The following CDIPT variants were observed in gnomAD, a reference collection of about 807,000 sequenced individuals.
CDIPT encodes CDP-diacylglycerol--inositol 3-phosphatidyltransferase, also known as PI synthase.
A neutral mutation model predicts 21.6 loss-of-function variants in CDIPT; 17 were observed. The ratio of observed to expected loss-of-function variants is 0.79; its 90% CI spans 0.54 to 1.18. The LOEUF (loss-of-function observed/expected upper bound fraction) is 1.18. Ranked by LOEUF, CDIPT falls within the 50% of genes most tolerant of loss-of-function variation. The pLI is 0.00. For synonymous variants in CDIPT, 119 were observed against 117.9 expected (o/e 1.01, Z -0.06); for missense variants, 254 against 284.9 (o/e 0.89, Z 0.78).
chr16:29,861,542 G>C (rs1304912896), intron 2 of CDIPT: 1 of 1,520,038 alleles, frequency 6.6e-7, no homozygotes, highest in African/African-American at 1.4e-5. Context: ...GGGCTAGATA[G>C]AGACTTGATG....
Position 29,859,444 on chromosome 16 carries a change from A to T in CDIPT, c.494T>A (p.Leu165Ter). 1 of 1,611,620 alleles carries T rather than the reference A, an allele frequency of 6.2e-7. No individual in the cohort carries two copies. The highest frequency in any genetic ancestry group is 8.5e-7 in the Non-Finnish European group (1 of 1,178,156). ...LYLFHFSEGP[L>*]VGSVGLFRMG... Reference sequence around the variant, plus strand: ...CTGCCCAGCCCCTCATCTCCTACCTAAAGGTCCCTCAGAGAAATGGAACAG... The same window carrying T: ...CTGCCCAGCCCCTCATCTCCTACCTTAAGGTCCCTCAGAGAAATGGAACAG... The change falls in exon 5 of 6, where the codon TTA (leucine) becomes TAA (stop). Residue 165 changes from leucine to a stop codon, truncating the protein, a stop_gained and splice_region_variant. Coordinates refer to ENST00000219789, the MANE Select transcript of CDIPT (RefSeq NM_006319.5). LOFTEE classifies it high-confidence loss of function. The surrounding 1 kb of genome is among the most constrained non-coding windows in gnomAD (Gnocchi z 4.5).
chr16:29,862,942 C>A lies in CDIPT; in HGVS notation c.-85G>T. On this transcript the variant is annotated 5_prime_UTR_variant, in exon 1 of 6. Coordinates refer to ENST00000219789, the MANE Select transcript of CDIPT (RefSeq NM_006319.5). The surrounding 1 kb of genome is among the most constrained non-coding windows in gnomAD (Gnocchi z 6.7). ...CGCAGCGCGGCCTCAGCCTCCGGCC[C>A]GGCGCATCGGCCGCACCACCTGCGC... is the stretch of plus-strand genomic sequence containing the variant. 1 of 1,502,588 alleles carries A rather than the reference C, an allele frequency of 6.7e-7. No homozygotes were observed. Among genetic ancestry groups the A allele is most frequent in the East Asian group, 2.3e-5 (1 of 44,100 alleles). 93.1% of individuals were successfully genotyped at this position (1,502,588 alleles called of 1,614,324 possible). A position where few individuals can be genotyped will look rare whatever the true frequency, so the allele number is the denominator to read the frequency against.
Position 29,859,289 on chromosome 16 carries a change from G to C in CDIPT, c.542C>G (p.Pro181Arg). ...LFRMGLWVTAPIALLKSLISV... is the reference protein window; with the variant it reads ...LFRMGLWVTARIALLKSLISV... The stretch of plus-strand genomic sequence containing the variant: ...GATGAGCGACTTCAGCAAGGCGATG[G>C]GGGCAGTGACCCAGAGGCCCATCCG... The change falls in exon 6 of 6, where the codon CCC (proline) becomes CGC (arginine). Residue 181 changes from proline to arginine, a missense_variant. Physicochemically the swap from Pro to Arg is moderately radical, Grantham distance 103. Coordinates refer to ENST00000219789, the MANE Select transcript of CDIPT (RefSeq NM_006319.5). The surrounding 1 kb of genome is among the most constrained non-coding windows in gnomAD (Gnocchi z 4.5). 6.3e-7 allele frequency: 1 copy of C among 1,575,832 alleles called. No homozygotes were observed.
In CDIPT at chr16:29,859,133, T is replaced by C. The variant is rs1444850026; in HGVS notation, c.*56A>G. 6 of 1,553,068 alleles carry C rather than the reference T, an allele frequency of 3.9e-6. No individual in the cohort carries two copies. The East Asian group carries it at 1.4e-4, about 36-fold the overall frequency. On this transcript the variant is annotated 3_prime_UTR_variant, in exon 6 of 6. Coordinates refer to ENST00000219789, the MANE Select transcript of CDIPT (RefSeq NM_006319.5). This position sits in a 1 kb window ranked among gnomAD's most constrained non-coding sequence, Gnocchi z 4.5. ...CCTCCTAGCAGGGGGTGGGGAGCTG[T>C]GTGGCACAGCAAGACTCCCAGGGCA...
At position 29,859,874 on chromosome 16, in the gene CDIPT, A is replaced by C. The variant is rs1269488069; in HGVS notation, c.415-351T>G. Among the ~76,000 whole-genome samples, 1 of 152,044 alleles carries C rather than the reference A, an allele frequency of 6.6e-6. No individual in the cohort carries two copies. Among genetic ancestry groups the C allele is most frequent in the African/African-American group, 2.4e-5 (1 of 41,396 alleles). On this transcript the variant is annotated intron_variant, in intron 4 of 5. Coordinates refer to ENST00000219789, the MANE Select transcript of CDIPT (RefSeq NM_006319.5). This position sits in a 1 kb window ranked among gnomAD's most constrained non-coding sequence, Gnocchi z 4.5. ...ACAAAAATTAGCCGAGTGTGGTGGC[A>C]CGTGCCGGTAGTCCCAGCCACTCAG... is the stretch of plus-strand genomic sequence containing the variant.
In CDIPT at chr16:29,863,160, C is replaced by T; in HGVS notation, c.-303G>A. On this transcript the variant is annotated 5_prime_UTR_variant, in exon 1 of 6. Coordinates refer to ENST00000219789, the MANE Select transcript of CDIPT (RefSeq NM_006319.5). ...TGCGGTCGCCGCTGCTCCAGCTGCG[C>T]GTGGCTTCCGGGAACCTCCTCCTCC... The T allele has an allele frequency of 2.3e-6, 1 of 430,150 alleles. No individual in the cohort carries two copies. Among genetic ancestry groups the T allele is most frequent in the Non-Finnish European group, 4.2e-6 (1 of 240,322 alleles). The allele number at this position is 430,150 out of a possible 1,614,324, so 26.6% of individuals were successfully genotyped here.
chr16:29,860,880 T>C (rs775880154), intron 3 of CDIPT: 1 of 617,612 alleles, frequency 1.6e-6, no homozygotes, highest in Non-Finnish European at 2.9e-6. Context: ...CTATATGGAA[T>C]CCTAGAATAC....
At position 29,859,026 on chromosome 16, in the gene CDIPT, C is replaced by T. The variant is rs2067656420; in HGVS notation, c.*163G>A. 1 of 766,936 alleles carries T rather than the reference C, an allele frequency of 1.3e-6. No homozygotes were observed. Among genetic ancestry groups the T allele is most frequent in the Middle Eastern group, 3.8e-4 (1 of 2,634 alleles). The allele number at this position is 766,936 out of a possible 1,614,324, so 47.5% of individuals were successfully genotyped here. ...TTTGAGGCCCGGGTCCTCAGGATCC[C>T]AGAGAACGTGACGTCACCAAAGAGA... On this transcript the variant is annotated 3_prime_UTR_variant, in exon 6 of 6. Coordinates refer to ENST00000219789, the MANE Select transcript of CDIPT (RefSeq NM_006319.5). This position sits in a 1 kb window ranked among gnomAD's most constrained non-coding sequence, Gnocchi z 4.5.
chr16:29,862,737 G>C lies in CDIPT; in HGVS notation c.44-17C>G. Reference sequence around the variant, plus strand: ...GGGCATAACCTTGGAACGGGACGCGGGGAGACAGGGCAGGATCAGGGAGCC... The same window carrying C: ...GGGCATAACCTTGGAACGGGACGCGCGGAGACAGGGCAGGATCAGGGAGCC... On this transcript the variant is annotated splice_polypyrimidine_tract_variant and intron_variant, in intron 1 of 5. Transcript: ENST00000219789. This position sits in a 1 kb window ranked among gnomAD's most constrained non-coding sequence, Gnocchi z 6.7. 6.2e-7 allele frequency: 1 copy of C among 1,613,620 alleles called. No homozygotes were observed. Among genetic ancestry groups the C allele is most frequent in the East Asian group, 2.2e-5 (1 of 44,890 alleles).
At position 29,863,026 on chromosome 16, in the gene CDIPT, A is replaced by T; in HGVS notation, c.-169T>A. 1.3e-6 allele frequency: 1 copy of T among 794,412 alleles called. No homozygotes were observed. Among genetic ancestry groups the T allele is most frequent in the Non-Finnish European group, 2.1e-6 (1 of 470,826 alleles). 49.2% of individuals were successfully genotyped at this position (794,412 alleles called of 1,614,324 possible). On this transcript the variant is annotated 5_prime_UTR_variant, in exon 1 of 6. An upstream start codon of the reference 5' UTR is lost. Coordinates refer to ENST00000219789, the MANE Select transcript of CDIPT (RefSeq NM_006319.5). ...GCTGAAGCCCGCAGCCGTCGGGAGC[A>T]TGGACCGGCCCCGAGGTGCGCGGGA...
chr16:29,862,977 C>T lies in CDIPT; in HGVS notation c.-120G>A. The T allele has an allele frequency of 8.5e-7, 1 of 1,170,816 alleles. No homozygotes were observed. Among genetic ancestry groups the T allele is most frequent in the Admixed American group, 1.8e-5 (1 of 55,052 alleles). 72.5% of individuals were successfully genotyped at this position (1,170,816 alleles called of 1,614,324 possible). ...GCCGCACCACCTGCGCCCTGGACCC[C>T]GCCGCCCCAACCTGGCCCCAGATGC... On this transcript the variant is annotated 5_prime_UTR_variant, in exon 1 of 6. Coordinates refer to ENST00000219789, the MANE Select transcript of CDIPT (RefSeq NM_006319.5). The surrounding 1 kb of genome is among the most constrained non-coding windows in gnomAD (Gnocchi z 6.7).
At position 29,861,170 on chromosome 16, in the gene CDIPT, C is replaced by T; in HGVS notation, c.268G>A (p.Ala90Thr). The T allele has an allele frequency of 6.2e-7, 1 of 1,614,196 alleles. No homozygotes were observed. The highest frequency in any genetic ancestry group is 8.5e-7 in the Non-Finnish European group (1 of 1,180,042). Residue 90 changes from alanine to threonine, a missense_variant, in exon 3 of 6, where the codon GCC (alanine) becomes ACC (threonine). Coordinates refer to ENST00000219789, the MANE Select transcript of CDIPT (RefSeq NM_006319.5). Reference protein sequence around the residue: ...LVNLALLYPGATLFFQISMSL... With the variant: ...LVNLALLYPGTTLFFQISMSL... ...ATGCTGATTTGGAAGAACAGCGTGG[C>T]TCCAGGGTACAGCAGGGCCAGGTTG...
rs1393319601 is a variant in CDIPT, at chr16:29,859,956, T to A, written c.415-433A>T. Among the ~76,000 whole-genome samples the A allele has an allele frequency of 1.3e-5, 2 of 152,008 alleles. No homozygotes were observed. Among genetic ancestry groups the A allele is most frequent in the African/African-American group, 4.8e-5 (2 of 41,368 alleles). On this transcript the variant is annotated intron_variant, in intron 4 of 5. Transcript: ENST00000219789. The surrounding 1 kb of genome is among the most constrained non-coding windows in gnomAD (Gnocchi z 4.5). ...GCAGGCAGAGGTTGCAGTGAGCCGA[T>A]AACCCGCCACTGAACTCCAGCCTGG...
At chr16:29,861,033 C>G (rs754724190) in intron 3 of CDIPT, 73 bp downstream of exon 3, 2 of 1,503,696 alleles carry the variant, frequency 1.3e-6, no homozygotes, top group Non-Finnish European at 1.8e-6. Context: ...ATCCCAGACA[C>G]CCTTCCGTCT....
intron 3 of CDIPT, 137 bp downstream of exon 3, chr16:29,860,969 G>A (rs2150767661): frequency 1.3e-6 from 1 of 790,572 alleles, no homozygotes; most frequent in Non-Finnish European, 2.0e-6. Flanking sequence ...GGTTTGCCTG[G>A]GGTCTTTCTA....
intron 2 of CDIPT, 198 bp from the exon 3 acceptor site, chr16:29,861,457 TGA>T (rs1339418968): frequency 3.9e-6 from 6 of 1,536,984 alleles, no homozygotes; most frequent in South Asian, 2.4e-5. Flanking sequence ...GAGAAAGGCA[TGA>T]GAGTGGAGGG....
chr16:29,859,390 T>A lies in CDIPT; in HGVS notation c.496+52A>T. 1 of 1,592,626 alleles carries A rather than the reference T, an allele frequency of 6.3e-7. No individual in the cohort carries two copies. On this transcript the variant is annotated intron_variant, in intron 5 of 5. Transcript: ENST00000219789. The surrounding 1 kb of genome is among the most constrained non-coding windows in gnomAD (Gnocchi z 4.5). ...CCGAAGGAGGGGGCCTCCATCTCCC[T>A]GGGCAGGCCAGATCCCCCTCCCATC... is the stretch of plus-strand genomic sequence containing the variant.
intron 3 of CDIPT, 170 bp downstream of exon 3, chr16:29,860,936 G>C (rs749433291): frequency 9.1e-6 from 6 of 659,010 alleles, no homozygotes; most frequent in Non-Finnish European, 1.6e-5. Context: ...CTGTAAACAT[G>C]ACTGAAGCTT....
rs2067691370 is a variant in CDIPT, at chr16:29,862,514, G to A, written c.178+72C>T. On this transcript the variant is annotated intron_variant, in intron 2 of 5. Transcript: ENST00000219789. The surrounding 1 kb of genome is among the most constrained non-coding windows in gnomAD (Gnocchi z 6.7). The stretch of plus-strand genomic sequence containing the variant: ...GGAATGACAGCCCTCTGACTCTGAG[G>A]TCCCGAGGAGGCAGGGGAAGGGAGG... The A allele has an allele frequency of 6.8e-7, 1 of 1,462,922 alleles. No homozygotes were observed. The highest frequency in any genetic ancestry group is 9.3e-7 in the Non-Finnish European group (1 of 1,070,382). The allele number at this position is 1,462,922 out of a possible 1,614,324, so 90.6% of individuals were successfully genotyped here.
Sources: allele counts gnomAD v4.1 joint callset (sites outside exome capture counted in the v4.1 genomes callset), GRCh38; gene constraint gnomAD v4.1.1; non-coding constraint Gnocchi (gnomAD v3.1); transcripts MANE v1.5; gene names NCBI Gene and HGNC (gene_info 2026-07-23, HGNC 2026-07-21).